IL23R: variants seen among roughly 807,000 people sequenced by gnomAD.
IL23R encodes interleukin-23 receptor.
In IL23R, 34 loss-of-function variants were observed where a neutral mutation model predicts 56.9. The observed-to-expected ratio is 0.60, with a 90% CI of 0.45 to 0.80. The LOEUF (loss-of-function observed/expected upper bound fraction) is 0.80. IL23R is among the 30% of genes least tolerant of loss of function. The probability of loss-of-function intolerance (pLI) is 0.00; values close to 1 mark genes in which losing one functional copy is unlikely to be tolerated. For synonymous variants in IL23R, 230 were observed against 249.2 expected, an observed-to-expected ratio of 0.92 and a Z score of 0.73; for missense variants, 635 against 730.0, an observed-to-expected ratio of 0.87 and a Z score of 1.50.
rs1389521603 is a variant in IL23R at position 67,228,039 on chromosome 1, CTT to C, written c.955+8311_955+8312del. Reference sequence around the variant, plus strand: ...CTTTCTTCCTTTCTTTCTTTTCTTTCTTTCTCTTTCTTTCTTTCTTTCTCTGT... The same window carrying C: ...CTTTCTTCCTTTCTTTCTTTTCTTTCTCTCTTTCTTTCTTTCTTTCTCTGT... On this transcript the variant is annotated intron_variant, in intron 7 of 10. Transcript: ENST00000347310. Among the ~76,000 whole-genome samples the C allele has an allele frequency of 5.7e-4, 39 of 67,884 alleles. 8 individuals carry two copies. The highest frequency in any genetic ancestry group is 2.8e-4 in the African/African-American group (4 of 14,440). 44.5% of individuals were successfully genotyped at this position (67,884 alleles called of 152,430 possible).
Position 67,230,385 on chromosome 1 carries a change from G to A in IL23R, c.956-6328G>A, listed in dbSNP as rs1311878514. On this transcript the variant is annotated intron_variant, in intron 7 of 10. Coordinates refer to ENST00000347310, the MANE Select transcript of IL23R (RefSeq NM_144701.3). ...GGAAGATGCTATGCCTGGAGAGCAA[G>A]GGTGTACTTCTGAGGAATCTGTTGG... 2.0e-5 allele frequency among the ~76,000 whole-genome samples: 3 copies of A among 152,238 alleles called. No individual in the cohort carries two copies. In the South Asian group the frequency reaches 6.2e-4, roughly 32 times the overall value.
At chr1:67,205,941 CTCTTTTTT>C (rs1558243049) in intron 5 of IL23R, among the ~76,000 whole-genome samples, 7 of 83,852 alleles carry the variant, frequency 8.3e-5, no homozygotes, top group Admixed American at 3.3e-4. Flanking sequence ...TTCTTTCTTT[CTCTTTTTT>C]TTTCTTTCTT....
chr1:67,200,152 G>A (rs1455101153), intron 4 of IL23R, among the ~76,000 whole-genome samples: 1 of 151,550 alleles, frequency 6.6e-6, no homozygotes. Flanking sequence ...CCATTCTCCT[G>A]CCTCAGCCTC....
chr1:67,253,919 T>C (rs188531309), intron 9 of IL23R, among the ~76,000 whole-genome samples: 16 of 152,280 alleles, frequency 1.1e-4, no homozygotes, highest in African/African-American at 3.6e-4. Context: ...AAGTACTCTT[T>C]TTAAAAAGAT....
chr1:67,176,615 G>A (rs1164869743), intron 3 of IL23R, among the ~76,000 whole-genome samples: 1 of 152,062 alleles, frequency 6.6e-6, no homozygotes, highest in African/African-American at 2.4e-5. Flanking sequence ...TTTCTGGCCA[G>A]TGACTTTTTA....
chr1:67,148,994 T>C (rs184378520), intron 1 of IL23R, among the ~76,000 whole-genome samples: 85 of 152,236 alleles, frequency 5.6e-4, no homozygotes, highest in African/African-American at 1.8e-3. Flanking sequence ...GTCAGATCCG[T>C]GAAAATGAAT....
chr1:67,196,806 G>T lies in IL23R; in HGVS notation c.492-3931G>T, dbSNP rs1648189131. ...AAATGCTTAACCTTCTTTAGTAATTGGTTGGCTCTTAAAGGTGACGAAGAG... is the reference window on the plus strand; with the variant it reads ...AAATGCTTAACCTTCTTTAGTAATTTGTTGGCTCTTAAAGGTGACGAAGAG... On this transcript the variant is annotated intron_variant, in intron 4 of 10. Transcript: ENST00000347310. 2.0e-5 allele frequency among the ~76,000 whole-genome samples: 3 copies of T among 152,178 alleles called. 1 individual carries two copies. Among genetic ancestry groups the T allele is most frequent in the South Asian group, 4.1e-4 (2 of 4,836 alleles).
intron 10 of IL23R, among the ~76,000 whole-genome samples, chr1:67,256,337 G>A (rs192558247): frequency 6.6e-6 from 1 of 152,268 alleles, no homozygotes; most frequent in East Asian, 1.9e-4. Flanking sequence ...AGCCCAAGAA[G>A]GGCATCATTT....
intron 6 of IL23R, among the ~76,000 whole-genome samples, chr1:67,217,193 C>A (rs1233195471): frequency 6.6e-6 from 1 of 152,194 alleles, no homozygotes; most frequent in Non-Finnish European, 1.5e-5. Flanking sequence ...TGACCCCTAA[C>A]CTTCAGAGTT....
chr1:67,159,721 G>C (rs1177686191), intron 1 of IL23R, among the ~76,000 whole-genome samples: 1 of 152,164 alleles, frequency 6.6e-6, no homozygotes, highest in Non-Finnish European at 1.5e-5. Flanking sequence ...TAGTGTCTGT[G>C]ATAGATGCTA....
chr1:67,245,609 G>A (rs1467921818), intron 9 of IL23R, among the ~76,000 whole-genome samples: 9 of 152,212 alleles, frequency 5.9e-5, no homozygotes, highest in East Asian at 3.9e-4. Context: ...GATGGATTAC[G>A]TTTATTCATT....
intron 1 of IL23R, among the ~76,000 whole-genome samples, chr1:67,155,643 CA>C (rs1234077561): frequency 3.9e-5 from 6 of 152,230 alleles, no homozygotes; most frequent in Admixed American, 3.9e-4. Flanking sequence ...AGCTCCATCA[CA>C]TCATTTATGT....
chr1:67,247,488 G>C (rs1652310396), intron 9 of IL23R, among the ~76,000 whole-genome samples: 1 of 152,040 alleles, frequency 6.6e-6, no homozygotes. Flanking sequence ...ATTTTTAGTA[G>C]AGATGGAGTT....
intron 7 of IL23R, among the ~76,000 whole-genome samples, chr1:67,225,171 G>T (rs897529527): frequency 2.0e-5 from 3 of 152,170 alleles, no homozygotes; most frequent in African/African-American, 7.2e-5. Flanking sequence ...TGCCAACAGA[G>T]CTTCATTTCT....
rs184058098 is a variant in IL23R, at chr1:67,229,584, A to G, written c.956-7129A>G. On this transcript the variant is annotated intron_variant, in intron 7 of 10. Transcript: ENST00000347310. ...GTTGGGGATGGGTTGAAAAATCCCA[A>G]CCTTCTAATCGTGCCTTGATCTTTC... Among the ~76,000 whole-genome samples, 178 of 152,138 alleles carry G rather than the reference A, an allele frequency of 1.2e-3. 1 individual carries two copies. Among genetic ancestry groups the G allele is most frequent in the Non-Finnish European group, 2.2e-3 (147 of 67,978 alleles).
Position 67,206,106 on chromosome 1 carries a change from G to T in IL23R, c.653-804G>T, listed in dbSNP as rs571211366. ...CAGCTCACTGTAACCTCTGCCTCCC[G>T]GGTTCAAGCGATCCTCCTGCCTCAG... On this transcript the variant is annotated intron_variant, in intron 5 of 10. Coordinates refer to ENST00000347310, the MANE Select transcript of IL23R (RefSeq NM_144701.3). 2.5e-3 allele frequency among the ~76,000 whole-genome samples: 384 copies of T among 151,632 alleles called. 3 individuals are homozygous for T. The highest frequency in any genetic ancestry group is 9.0e-3 in the African/African-American group (371 of 41,326).
intron 1 of IL23R, among the ~76,000 whole-genome samples, chr1:67,154,300 C>T (rs1238115555): frequency 1.3e-5 from 2 of 152,110 alleles, no homozygotes; most frequent in African/African-American, 4.8e-5. Flanking sequence ...GAGTTCAAGT[C>T]CTGAATATCC....
In IL23R at chr1:67,191,462, T is replaced by C. The variant is rs116631630; in HGVS notation, c.491+8503T>C. ...ACTGGAGGACACTGCTCCAAAACTT[T>C]CCTCTCTTCCTTCTGCATTGTCATT... On this transcript the variant is annotated intron_variant, in intron 4 of 10. Coordinates refer to ENST00000347310, the MANE Select transcript of IL23R (RefSeq NM_144701.3). 9.4e-3 allele frequency among the ~76,000 whole-genome samples: 1,436 copies of C among 152,294 alleles called. 12 individuals are homozygous for C. The highest frequency in any genetic ancestry group is 0.014 in the Non-Finnish European group (968 of 68,024).
chr1:67,183,483 C>T (rs531986919), intron 4 of IL23R, among the ~76,000 whole-genome samples: 3 of 152,062 alleles, frequency 2.0e-5, no homozygotes, highest in South Asian at 2.1e-4. Context: ...TGCAGTGAGC[C>T]GAGACTGTGC....
Sources: allele counts gnomAD v4.1 joint callset (sites outside exome capture counted in the v4.1 genomes callset), GRCh38; gene constraint gnomAD v4.1.1; transcripts MANE v1.5; gene names NCBI Gene and HGNC (gene_info 2026-07-23, HGNC 2026-07-21).